RALGPS1: variants seen among roughly 807,000 people sequenced by gnomAD.
The protein encoded by RALGPS1 is Ral GEF with PH domain and SH3 binding motif 1.
A neutral mutation model predicts 78.8 loss-of-function variants in RALGPS1; 19 were observed. That is an observed-to-expected ratio of 0.24 (90% CI 0.17 to 0.35). RALGPS1 has a LOEUF of 0.35. RALGPS1 is among the 10% of genes least tolerant of loss of function. The pLI is 1.00. For synonymous variants in RALGPS1, 228 were observed against 256.3 expected, an observed-to-expected ratio of 0.89 and a Z score of 1.06; for missense variants, 454 against 688.3, an observed-to-expected ratio of 0.66 and a Z score of 3.81.
At chr9:127,154,076 C>G (rs1377214366) in intron 8 of RALGPS1, among the ~76,000 whole-genome samples, 2 of 152,248 alleles carry the variant, frequency 1.3e-5, no homozygotes, top group African/African-American at 4.8e-5. Flanking sequence ...TCCCACCCCA[C>G]CACACAAGAC....
rs747363888 is a variant in RALGPS1 at position 127,212,582 on chromosome 9, C to A, written c.1354-45C>A. ...TGTAATCGGCCAGGGATCCTCTACC[C>A]CCACGACCCCTGGTGGCATCACTCA... On this transcript the variant is annotated intron_variant, in intron 15 of 18. Transcript: ENST00000259351. The surrounding 1 kb of genome is among the most constrained non-coding windows in gnomAD (Gnocchi z 6.0). 1 of 1,408,664 alleles carries A rather than the reference C, an allele frequency of 7.1e-7. No homozygotes were observed. Among genetic ancestry groups the A allele is most frequent in the East Asian group, 2.3e-5 (1 of 43,530 alleles). The allele number at this position is 1,408,664 out of a possible 1,614,324, so 87.3% of individuals were successfully genotyped here.
intron 1 of RALGPS1, among the ~76,000 whole-genome samples, chr9:126,958,225 T>C (rs1352285649): frequency 6.8e-6 from 1 of 148,008 alleles, no homozygotes; most frequent in Non-Finnish European, 1.5e-5. Context: ...AGGGAAGAGT[T>C]AAACATGTAA....
At chr9:127,180,602 TA>T (rs903023281) in intron 11 of RALGPS1, among the ~76,000 whole-genome samples, 2 of 152,226 alleles carry the variant, frequency 1.3e-5, no homozygotes, top group African/African-American at 4.8e-5. Flanking sequence ...GGCATACACT[TA>T]CCTCTTGAGA....
intron 1 of RALGPS1, among the ~76,000 whole-genome samples, chr9:126,952,996 C>T (rs535366970): frequency 4.6e-5 from 7 of 152,024 alleles, no homozygotes; most frequent in Non-Finnish European, 8.8e-5. Flanking sequence ...CATTCCTGGA[C>T]GTGTGTATTT....
intron 8 of RALGPS1, among the ~76,000 whole-genome samples, chr9:127,147,121 T>C (rs757053236): frequency 6.6e-5 from 10 of 152,240 alleles, no homozygotes; most frequent in Non-Finnish European, 1.5e-4. Flanking sequence ...TGCATTTCTC[T>C]GATGATTAGT....
intron 1 of RALGPS1, among the ~76,000 whole-genome samples, chr9:126,920,118 T>C (rs760629432): frequency 1.3e-5 from 2 of 151,870 alleles, no homozygotes; most frequent in Non-Finnish European, 2.9e-5. Context: ...AGTCTCCTGC[T>C]TTCTTTGCTG....
chr9:127,193,463 G>C (rs554206056), intron 11 of RALGPS1, among the ~76,000 whole-genome samples: 6 of 152,258 alleles, frequency 3.9e-5, no homozygotes, highest in Admixed American at 1.3e-4. Flanking sequence ...TGGGAAGGAG[G>C]GGGGACAGCA....
intron 1 of RALGPS1, 39 bp downstream of exon 1, chr9:126,915,014 T>G (rs1008935578): frequency 1.4e-5 from 2 of 145,904 alleles, no homozygotes; most frequent in Non-Finnish European, 3.0e-5. Flanking sequence ...AGAGCGGCGG[T>G]GAGAGGCGCG....
intron 11 of RALGPS1, among the ~76,000 whole-genome samples, chr9:127,186,953 G>A (rs948032780): frequency 2.6e-5 from 4 of 152,156 alleles, no homozygotes; most frequent in African/African-American, 9.7e-5. Flanking sequence ...CATGGGAATC[G>A]GAGCTAGAGG....
At chr9:127,146,956 C>G (rs1342643274) in intron 8 of RALGPS1, among the ~76,000 whole-genome samples, 1 of 152,256 alleles carries the variant, frequency 6.6e-6, no homozygotes, top group Non-Finnish European at 1.5e-5. Flanking sequence ...AATCTCCAGA[C>G]TGCTTTCCAC....
At chr9:127,131,566 T>A (rs1297442007) in intron 8 of RALGPS1, among the ~76,000 whole-genome samples, 1 of 152,004 alleles carries the variant, frequency 6.6e-6, no homozygotes, top group Non-Finnish European at 1.5e-5. Context: ...AGGCTCAGAG[T>A]GGTGAGGGAG....
chr9:127,208,746 C>T (rs2062072375), intron 14 of RALGPS1, among the ~76,000 whole-genome samples: 1 of 152,182 alleles, frequency 6.6e-6, no homozygotes, highest in African/African-American at 2.4e-5. Context: ...GGAAAGGCTG[C>T]TTACGAGGCT....
intron 8 of RALGPS1, chr9:127,108,501 C>T: frequency 6.2e-7 from 1 of 1,612,938 alleles, no homozygotes; most frequent in East Asian, 2.2e-5. Flanking sequence ...CCAGAAGCAC[C>T]TCAGGCTCCT....
At chr9:127,124,312 A>G (rs1324511727) in intron 8 of RALGPS1, among the ~76,000 whole-genome samples, 1 of 152,204 alleles carries the variant, frequency 6.6e-6, no homozygotes, top group Non-Finnish European at 1.5e-5. Context: ...CTGGAGCCTA[A>G]GAAGTCCAGC....
At chr9:127,096,196 C>T (rs897390316) in intron 8 of RALGPS1, among the ~76,000 whole-genome samples, 2 of 152,180 alleles carry the variant, frequency 1.3e-5, no homozygotes, top group Non-Finnish European at 2.9e-5. Flanking sequence ...GCTAGACCTC[C>T]AGAAAGAGCA....
intron 8 of RALGPS1, among the ~76,000 whole-genome samples, chr9:127,110,901 G>C (rs1162317121): frequency 6.6e-6 from 1 of 152,048 alleles, no homozygotes; most frequent in Non-Finnish European, 1.5e-5. Context: ...TAGCCTCCCT[G>C]CCCCAGCCTT....
At chr9:127,098,397 G>A (rs747090482) in intron 8 of RALGPS1, among the ~76,000 whole-genome samples, 16 of 152,216 alleles carry the variant, frequency 1.1e-4, no homozygotes, top group South Asian at 4.1e-4. Context: ...CGAGTGCTGC[G>A]ACCTCATCTC....
At chr9:126,953,177 C>G (rs1009911371) in intron 1 of RALGPS1, among the ~76,000 whole-genome samples, 1 of 152,096 alleles carries the variant, frequency 6.6e-6, no homozygotes, top group Non-Finnish European at 1.5e-5. Context: ...TTTCCTTTCC[C>G]TCTTCAGGAG....
At chr9:127,209,362 G>A (rs528754588) in intron 14 of RALGPS1, among the ~76,000 whole-genome samples, 2 of 152,236 alleles carry the variant, frequency 1.3e-5, no homozygotes, top group Non-Finnish European at 2.9e-5. Context: ...TGTCCAAAAT[G>A]AGAGAATCAT....
Sources: gnomAD v4.1 joint callset for allele counts (sites outside exome capture counted in the v4.1 genomes callset) on GRCh38, gnomAD v4.1.1 for gene constraint, Gnocchi (gnomAD v3.1) non-coding constraint, MANE v1.5 for transcripts, NCBI Gene and HGNC (gene_info 2026-07-23, HGNC 2026-07-21) for gene names.